Variants in SAMD12 observed in about 807,000 individuals in gnomAD.
The protein encoded by SAMD12 is sterile alpha motif domain-containing protein 12.
A neutral mutation model predicts 15.0 loss-of-function variants in SAMD12; 9 were observed. The observed-to-expected ratio is 0.60, with a 90% CI of 0.36 to 1.05. The LOEUF is 1.05. Among genes scored for constraint, SAMD12 ranks in the 50% least tolerant of loss-of-function variants. SAMD12 has a pLI of 0.01. For synonymous variants in SAMD12, 86 were observed against 90.1 expected (o/e 0.96, Z 0.25); for missense variants, 230 against 234.2 (o/e 0.98, Z 0.12).
chr8:118,272,856 G>A (rs1813399279), intron 4 of SAMD12, among the ~76,000 whole-genome samples: 1 of 152,144 alleles, frequency 6.6e-6, no homozygotes, highest in South Asian at 2.1e-4. Context: ...CAAGTCTCTA[G>A]GAAGTTCCAA....
chr8:118,498,118 T>C (rs1563895515), intron 2 of SAMD12, among the ~76,000 whole-genome samples: 1 of 152,176 alleles, frequency 6.6e-6, no homozygotes, highest in Non-Finnish European at 1.5e-5. Context: ...TATGTAGACA[T>C]AGACATCATT....
At chr8:118,131,839 TC>T in the SAMD12 span, among the ~76,000 whole-genome samples, 4 of 152,236 alleles carry the variant, frequency 2.6e-5, no homozygotes, top group Admixed American at 2.6e-4. Flanking sequence ...ATGGTAAGCT[TC>T]CGACAAGTTT....
chr8:118,307,457 A>G (rs1815407086), intron 4 of SAMD12, among the ~76,000 whole-genome samples: 1 of 152,202 alleles, frequency 6.6e-6, no homozygotes, highest in Admixed American at 6.5e-5. Flanking sequence ...GCTTCTGGGA[A>G]GCTCATAAAT....
At chr8:118,355,922 A>G (rs1818205482) in intron 4 of SAMD12, among the ~76,000 whole-genome samples, 2 of 152,238 alleles carry the variant, frequency 1.3e-5, no homozygotes, top group African/African-American at 2.4e-5. Flanking sequence ...ATACAGCTGT[A>G]TACCCTAAAT....
intron 4 of SAMD12, among the ~76,000 whole-genome samples, chr8:118,235,500 AT>A (rs146722167): frequency 0.039 from 5,899 of 152,182 alleles, 296 homozygotes; most frequent in East Asian, 0.16. Context: ...TGAGAAGTCT[AT>A]TTTTAAAAAC....
At chr8:118,415,448 G>GGGGTGTGTGTGT (rs1554658041) in intron 3 of SAMD12, among the ~76,000 whole-genome samples, 1 of 142,858 alleles carries the variant, frequency 7.0e-6, no homozygotes, top group African/African-American at 2.6e-5. Flanking sequence ...CTTGTCCTAA[G>GGGGTGTGTGTGT]GTGTGTGTGT....
At chr8:118,382,223 C>T (rs1819710414) in intron 3 of SAMD12, among the ~76,000 whole-genome samples, 1 of 152,180 alleles carries the variant, frequency 6.6e-6, no homozygotes, top group African/African-American at 2.4e-5. Context: ...GATCACCCTC[C>T]CTCCTTTCTG....
At chr8:118,172,099 C>A in the SAMD12 span, among the ~76,000 whole-genome samples, 1 of 152,002 alleles carries the variant, frequency 6.6e-6, no homozygotes. Flanking sequence ...ACACCGGGGC[C>A]TGTCGTGGGG....
intron 4 of SAMD12, among the ~76,000 whole-genome samples, chr8:118,241,169 AT>A (rs1290044694): frequency 6.6e-6 from 1 of 152,134 alleles, no homozygotes; most frequent in Non-Finnish European, 1.5e-5. Context: ...CCGGGAGGAC[AT>A]TTCCTGATGC....
chr8:118,285,293 C>T (rs1813919407), intron 4 of SAMD12, among the ~76,000 whole-genome samples: 1 of 152,084 alleles, frequency 6.6e-6, no homozygotes, highest in Non-Finnish European at 1.5e-5. Context: ...AATCAACTTT[C>T]CGTGAGAGAT....
In SAMD12 at chr8:118,389,918, G is replaced by A. The variant is rs146406653; in HGVS notation, c.323-10218C>T. Among the ~76,000 whole-genome samples the A allele has an allele frequency of 5.8e-4, 88 of 152,244 alleles. No homozygotes were observed. The East Asian group carries it at 0.014, about 25-fold the overall frequency. On this transcript the variant is annotated intron_variant, in intron 3 of 3. Transcript: ENST00000314727. The stretch of plus-strand genomic sequence containing the variant: ...AATTGGCTAATTTTTTCCATACTAT[G>A]AGAGCCAAACAAATTACGTATATAT...
intron 3 of SAMD12, among the ~76,000 whole-genome samples, chr8:118,425,010 C>T (rs939442009): frequency 1.3e-5 from 2 of 150,060 alleles, no homozygotes; most frequent in African/African-American, 2.5e-5. Flanking sequence ...GGGATCTCGG[C>T]TCATTGCAAG....
At chr8:118,139,018 A>G in the SAMD12 span, among the ~76,000 whole-genome samples, 1 of 152,186 alleles carries the variant, frequency 6.6e-6, no homozygotes, top group African/African-American at 2.4e-5. Context: ...AGCCAAGGAG[A>G]CTGAGAATAT....
chr8:118,139,522 C>T, the SAMD12 span, among the ~76,000 whole-genome samples: 1 of 152,116 alleles, frequency 6.6e-6, no homozygotes, highest in Non-Finnish European at 1.5e-5. Context: ...CAGTGCCTGA[C>T]TATATCTATA....
At chr8:118,589,142 A>G (rs183418695) in intron 1 of SAMD12, among the ~76,000 whole-genome samples, 3 of 152,330 alleles carry the variant, frequency 2.0e-5, no homozygotes, top group Admixed American at 2.0e-4. Context: ...TATTACATCA[A>G]TGAGAAAGAC....
intron 2 of SAMD12, among the ~76,000 whole-genome samples, chr8:118,576,859 G>C (rs1827164763): frequency 6.6e-6 from 1 of 152,210 alleles, no homozygotes; most frequent in Admixed American, 6.5e-5. Flanking sequence ...CTTGGCAGCT[G>C]TGTGGGTGAT....
the SAMD12 span, among the ~76,000 whole-genome samples, chr8:118,158,446 TC>T: frequency 6.6e-6 from 1 of 152,218 alleles, no homozygotes; most frequent in African/African-American, 2.4e-5. Context: ...GGTGGAAGTC[TC>T]CCCTCTTTCT....
intron 1 of SAMD12, among the ~76,000 whole-genome samples, chr8:118,585,226 T>C (rs1345309068): frequency 6.6e-6 from 1 of 152,214 alleles, no homozygotes; most frequent in East Asian, 1.9e-4. Context: ...GATTCACTTA[T>C]ATGAGTTAAT....
chr8:118,243,949 C>T (rs1212969920), intron 4 of SAMD12, among the ~76,000 whole-genome samples: 1 of 152,030 alleles, frequency 6.6e-6, no homozygotes, highest in Non-Finnish European at 1.5e-5. Flanking sequence ...ACTTCTCTTC[C>T]CTGGCACACA....
Sources: gnomAD v4.1 joint callset for allele counts (sites outside exome capture counted in the v4.1 genomes callset) on GRCh38, gnomAD v4.1.1 for gene constraint, MANE v1.5 for transcripts, NCBI Gene and HGNC (gene_info 2026-07-23, HGNC 2026-07-21) for gene names.